CPEB4: variants seen among roughly 807,000 people sequenced by gnomAD.
CPEB4 encodes cytoplasmic polyadenylation element-binding protein 4.
In CPEB4, 12 loss-of-function variants were observed where a neutral mutation model predicts 72.5. That is an observed-to-expected ratio of 0.17 (90% CI 0.11 to 0.27). CPEB4 has a LOEUF of 0.27. CPEB4 is among the 10% of genes least tolerant of loss of function. The pLI is 1.00. For synonymous variants in CPEB4, 302 were observed against 326.3 expected, an observed-to-expected ratio of 0.93 and a Z score of 0.80; for missense variants, 614 against 908.5, an observed-to-expected ratio of 0.68 and a Z score of 4.17.
intron 9 of CPEB4, 76 bp downstream of exon 9, chr5:173,953,348 G>A (rs771873824): frequency 3.6e-6 from 4 of 1,122,256 alleles, no homozygotes; most frequent in Non-Finnish European, 5.0e-6. Context: ...TAGAACGGGA[G>A]CATTTTATGA....
intron 1 of CPEB4, among the ~76,000 whole-genome samples, chr5:173,901,989 G>T (rs1006131054): frequency 6.6e-6 from 1 of 152,196 alleles, no homozygotes. Flanking sequence ...TGCTGCCTGT[G>T]TAGGGATGTG....
chr5:173,925,090 A>G (rs1050719143), intron 2 of CPEB4, among the ~76,000 whole-genome samples: 1 of 152,124 alleles, frequency 6.6e-6, no homozygotes, highest in Non-Finnish European at 1.5e-5. Flanking sequence ...AGGGGCAGAG[A>G]GAGAGAGGAG....
At chr5:173,926,369 A>G (rs1374389259) in intron 2 of CPEB4, among the ~76,000 whole-genome samples, 3 of 152,192 alleles carry the variant, frequency 2.0e-5, no homozygotes, top group Non-Finnish European at 4.4e-5. Flanking sequence ...ATGATAGTAC[A>G]TACTGTTCTT....
chr5:173,908,954 G>T (rs1338544354), intron 1 of CPEB4, among the ~76,000 whole-genome samples: 1 of 152,114 alleles, frequency 6.6e-6, no homozygotes, highest in East Asian at 1.9e-4. Context: ...CTTAAGGTGG[G>T]TCAGAGCATG....
chr5:173,936,580 T>G (rs1215478870), intron 3 of CPEB4, among the ~76,000 whole-genome samples: 1 of 152,198 alleles, frequency 6.6e-6, no homozygotes, highest in Non-Finnish European at 1.5e-5. Flanking sequence ...AGTAGGGATA[T>G]AGTTAGAATG....
chr5:173,955,520 T>C lies in CPEB4; in HGVS notation c.1963-390T>C, dbSNP rs1209922552. Among the ~76,000 whole-genome samples, 1 of 152,210 alleles carries C rather than the reference T, an allele frequency of 6.6e-6. No individual in the cohort carries two copies. The highest frequency in any genetic ancestry group is 6.5e-5 in the Admixed American group (1 of 15,276). ...TTGTGTGGAACTTGGATCATCTTAG[T>C]TGATTTTGTTTAAATTATGATTCCA... On this transcript the variant is annotated intron_variant, in intron 9 of 9. Coordinates refer to ENST00000265085, the MANE Select transcript of CPEB4 (RefSeq NM_030627.4). This position sits in a 1 kb window ranked among gnomAD's most constrained non-coding sequence, Gnocchi z 4.7.
At chr5:173,912,451 A>G (rs1227381800) in intron 2 of CPEB4, among the ~76,000 whole-genome samples, 1 of 152,184 alleles carries the variant, frequency 6.6e-6, no homozygotes, top group East Asian at 1.9e-4. Flanking sequence ...TCTCTGTACT[A>G]CTTTTGCAAC....
intron 1 of CPEB4, 61 bp downstream of exon 1, chr5:173,890,919 A>G (rs187432221): frequency 4.0e-6 from 6 of 1,483,294 alleles, no homozygotes; most frequent in African/African-American, 2.8e-5. Context: ...TGTAATATCT[A>G]TGTAACTAGA....
At chr5:173,916,810 GTTTCATCAGTT>G (rs1756885575) in intron 2 of CPEB4, among the ~76,000 whole-genome samples, 1 of 152,170 alleles carries the variant, frequency 6.6e-6, no homozygotes, top group African/African-American at 2.4e-5. Flanking sequence ...CACAAAGCTT[GTTTCATCAGTT>G]TTATAAAAGT....
At chr5:173,893,609 TAGAG>T (rs1467260084) in intron 1 of CPEB4, among the ~76,000 whole-genome samples, 3 of 152,228 alleles carry the variant, frequency 2.0e-5, no homozygotes, top group Non-Finnish European at 4.4e-5. Flanking sequence ...TTAGGCGTGA[TAGAG>T]AGATCTTGAA....
chr5:173,904,278 G>A (rs1756345265), intron 1 of CPEB4, among the ~76,000 whole-genome samples: 1 of 152,154 alleles, frequency 6.6e-6, no homozygotes, highest in African/African-American at 2.4e-5. Flanking sequence ...AGGGTTTTGT[G>A]AAGAATAAAT....
intron 3 of CPEB4, among the ~76,000 whole-genome samples, chr5:173,940,564 T>C (rs1423939219): frequency 6.6e-6 from 1 of 152,232 alleles, no homozygotes; most frequent in Non-Finnish European, 1.5e-5. Context: ...TATTTAGCAT[T>C]CTATTAATGT....
At chr5:173,930,938 C>A (rs1342183905) in intron 2 of CPEB4, among the ~76,000 whole-genome samples, 1 of 150,584 alleles carries the variant, frequency 6.6e-6, no homozygotes, top group Non-Finnish European at 1.5e-5. Flanking sequence ...TTGCAGTGAC[C>A]CGAGATTGCG....
intron 2 of CPEB4, 156 bp downstream of exon 2, chr5:173,910,760 C>G: frequency 1.7e-6 from 1 of 597,640 alleles, no homozygotes; most frequent in Non-Finnish European, 3.0e-6. Flanking sequence ...GTTAAAAAAT[C>G]CAACATACTT....
chr5:173,937,761 G>T (rs1757681667), intron 3 of CPEB4, among the ~76,000 whole-genome samples: 2 of 152,110 alleles, frequency 1.3e-5, no homozygotes, highest in African/African-American at 2.4e-5. Flanking sequence ...TATAAATAAA[G>T]AAACTGAGGG....
At chr5:173,932,646 T>G in intron 3 of CPEB4, 146 bp downstream of exon 3, 1 of 601,492 alleles carries the variant, frequency 1.7e-6, no homozygotes, top group Non-Finnish European at 2.8e-6. Context: ...AATGATTCTT[T>G]TAGCTCACAA....
intron 2 of CPEB4, among the ~76,000 whole-genome samples, chr5:173,916,005 A>C (rs909581822): frequency 6.6e-6 from 1 of 152,234 alleles, no homozygotes; most frequent in Non-Finnish European, 1.5e-5. Context: ...GTCAGACAGA[A>C]TATAACAATC....
chr5:173,942,015 G>A (rs1757864258), intron 3 of CPEB4, among the ~76,000 whole-genome samples: 1 of 152,200 alleles, frequency 6.6e-6, no homozygotes, highest in African/African-American at 2.4e-5. Flanking sequence ...AGCCTGGAAT[G>A]CCCTTCCTCT....
intron 3 of CPEB4, among the ~76,000 whole-genome samples, chr5:173,940,016 AAG>A (rs1198346059): frequency 6.6e-6 from 1 of 151,714 alleles, no homozygotes; most frequent in Non-Finnish European, 1.5e-5. Flanking sequence ...CTGAGGCAAG[AAG>A]AATTGCTTGA....
Sources: allele counts gnomAD v4.1 joint callset (sites outside exome capture counted in the v4.1 genomes callset), GRCh38; gene constraint gnomAD v4.1.1; non-coding constraint Gnocchi (gnomAD v3.1); transcripts MANE v1.5; gene names NCBI Gene and HGNC (gene_info 2026-07-23, HGNC 2026-07-21).